The following NSD2 variants were observed in gnomAD, a reference collection of about 807,000 sequenced individuals.
The protein encoded by NSD2 is nuclear receptor binding SET domain protein 2.
In NSD2, 12 loss-of-function variants were observed where a neutral mutation model predicts 139.0. That is an observed-to-expected ratio of 0.09 (90% confidence interval 0.06 to 0.14). The LOEUF is 0.14. Ranked by LOEUF, NSD2 falls within the 10% of genes least tolerant of loss-of-function variation. The probability of loss-of-function intolerance (pLI) is 1.00; values close to 1 mark genes in which losing one functional copy is unlikely to be tolerated. For synonymous variants in NSD2, 669 were observed against 648.7 expected, an observed-to-expected ratio of 1.03 and a Z score of -0.48; for missense variants, 1,155 against 1,745.0, an observed-to-expected ratio of 0.66 and a Z score of 6.02.
intron 1 of NSD2, among the ~76,000 whole-genome samples, chr4:1,883,086 A>G (rs1714821940): frequency 6.6e-6 from 1 of 152,026 alleles, no homozygotes; most frequent in Non-Finnish European, 1.5e-5. Flanking sequence ...GTTGTTTGGG[A>G]TAAGGAGAGA....
intron 3 of NSD2, among the ~76,000 whole-genome samples, chr4:1,910,484 G>A (rs373414884): frequency 3.4e-4 from 52 of 152,248 alleles, no homozygotes; most frequent in African/African-American, 1.1e-3. Context: ...ATAACTATAT[G>A]TTTTAGATAT....
intron 18 of NSD2, among the ~76,000 whole-genome samples, chr4:1,966,170 A>G (rs1725863362): frequency 6.6e-6 from 1 of 152,224 alleles, no homozygotes; most frequent in Admixed American, 6.5e-5. Flanking sequence ...TTAGCACTAG[A>G]CCTGCCTTGC....
chr4:1,969,884 T>C (rs1298424684), intron 18 of NSD2, among the ~76,000 whole-genome samples: 2 of 152,208 alleles, frequency 1.3e-5, no homozygotes, highest in East Asian at 3.8e-4. Context: ...GATTGGGAAC[T>C]TGTAGAACTC....
At chr4:1,940,983 G>A (rs1402511129) in intron 9 of NSD2, 2 of 1,058,388 alleles carry the variant, frequency 1.9e-6, no homozygotes, top group African/African-American at 1.6e-5. Flanking sequence ...CGGATGGTGG[G>A]ACTGGGGCTG....
intron 4 of NSD2, 135 bp from the exon 5 acceptor site, chr4:1,918,002 AACTC>A (rs1719629386): frequency 2.9e-6 from 3 of 1,045,042 alleles, no homozygotes; most frequent in Non-Finnish European, 2.7e-6. Flanking sequence ...GCTGGTCTTA[AACTC>A]CTGGCCTCAA....
At chr4:1,917,164 G>T in intron 4 of NSD2, 127 bp downstream of exon 4, 2 of 1,027,664 alleles carry the variant, frequency 1.9e-6, no homozygotes, top group Non-Finnish European at 2.7e-6. Context: ...CTCTTTCATT[G>T]TTGACTTTTG....
At chr4:1,949,847 C>T (rs180772163) in intron 9 of NSD2, among the ~76,000 whole-genome samples, 49 of 151,778 alleles carry the variant, frequency 3.2e-4, no homozygotes, top group African/African-American at 1.1e-3. Context: ...TGTTTTTCTT[C>T]CACCGCTCCC....
At chr4:1,909,395 C>G (rs1003860888) in intron 3 of NSD2, among the ~76,000 whole-genome samples, 2 of 152,110 alleles carry the variant, frequency 1.3e-5, no homozygotes, top group African/African-American at 4.8e-5. Context: ...GCAAGGGAAA[C>G]TCTGTGCAGT....
intron 1 of NSD2, among the ~76,000 whole-genome samples, chr4:1,871,879 G>T (rs1316306820): frequency 6.8e-6 from 1 of 147,360 alleles, no homozygotes; most frequent in African/African-American, 2.4e-5. Flanking sequence ...GGGGCCGGGC[G>T]GGCGGGCGCG....
At chr4:1,929,596 C>CA (rs893391865) in intron 5 of NSD2, among the ~76,000 whole-genome samples, 4 of 152,170 alleles carry the variant, frequency 2.6e-5, no homozygotes, top group Non-Finnish European at 5.9e-5. Flanking sequence ...CCATGGGCAG[C>CA]ATGGGAACAA....
chr4:1,900,172 C>T (rs1233307777), intron 1 of NSD2, among the ~76,000 whole-genome samples: 3 of 152,190 alleles, frequency 2.0e-5, no homozygotes, highest in African/African-American at 7.2e-5. Flanking sequence ...AGCTCTTTTC[C>T]TGTTAGTGTT....
Position 1,976,404 on chromosome 4 carries a change from C to T in NSD2, c.3622-71C>T, listed in dbSNP as rs1479044500. On this transcript the variant is annotated intron_variant, in intron 20 of 21. Coordinates refer to ENST00000508803, the MANE Select transcript of NSD2 (RefSeq NM_001042424.3). This position sits in a 1 kb window ranked among gnomAD's most constrained non-coding sequence, Gnocchi z 5.3. ...TCTCTGAAGTTCCTGGAGTGTAGCTCGCTCTTCTGCCCTATTTGCTTCAGC... is the reference window on the plus strand; with the variant it reads ...TCTCTGAAGTTCCTGGAGTGTAGCTTGCTCTTCTGCCCTATTTGCTTCAGC... The T allele has an allele frequency of 3.1e-5, 47 of 1,519,948 alleles. No individual in the cohort carries two copies. The highest frequency in any genetic ancestry group is 9.8e-5 in the Admixed American group (5 of 50,878). The allele number at this position is 1,519,948 out of a possible 1,614,324, so 94.2% of individuals were successfully genotyped here.
At chr4:1,899,272 T>C (rs1716840378) in intron 1 of NSD2, 1 of 152,208 alleles carries the variant, frequency 6.6e-6, no homozygotes, top group Non-Finnish European at 1.5e-5. Flanking sequence ...CAGCCCCCTA[T>C]TGCTGCACGT....
At chr4:1,881,454 G>A (rs886622449) in intron 1 of NSD2, among the ~76,000 whole-genome samples, 5 of 152,128 alleles carry the variant, frequency 3.3e-5, no homozygotes, top group East Asian at 3.9e-4. Context: ...TAGTAGAGAC[G>A]GGGTTTCACC....
intron 9 of NSD2, chr4:1,941,331 T>C (rs566141905): frequency 1.9e-6 from 2 of 1,053,570 alleles, no homozygotes; most frequent in South Asian, 9.1e-5. Context: ...TATACTGTTG[T>C]CAGGTACAGT....
At chr4:1,943,313 A>C in intron 9 of NSD2, 4 of 1,043,728 alleles carry the variant, frequency 3.8e-6, no homozygotes, top group African/African-American at 1.7e-5. Context: ...GTTTCTGACT[A>C]ATATTTTGTT....
chr4:1,916,036 C>T (rs1027145433), intron 3 of NSD2, among the ~76,000 whole-genome samples: 3 of 152,122 alleles, frequency 2.0e-5, no homozygotes, highest in African/African-American at 4.8e-5. Flanking sequence ...CACTGTGGGA[C>T]GTGGCTTCTT....
intron 12 of NSD2, among the ~76,000 whole-genome samples, chr4:1,954,367 CTT>C (rs769963847): frequency 4.6e-5 from 7 of 151,946 alleles, no homozygotes; most frequent in Non-Finnish European, 1.0e-4. Context: ...GCTCTGACCT[CTT>C]TTCTTTTTTT....
intron 8 of NSD2, 64 bp downstream of exon 8, chr4:1,938,596 G>GGGGGGGGGC: frequency 1.3e-6 from 1 of 760,492 alleles, no homozygotes; most frequent in Non-Finnish European, 2.2e-6. Context: ...GGGTGGGTGG[G>GGGGGGGGGC]CTGAGAGTGT....
Sources: gnomAD v4.1 joint callset for allele counts (sites outside exome capture counted in the v4.1 genomes callset) on GRCh38, gnomAD v4.1.1 for gene constraint, Gnocchi (gnomAD v3.1) non-coding constraint, MANE v1.5 for transcripts, NCBI Gene and HGNC (gene_info 2026-07-23, HGNC 2026-07-21) for gene names.